CASK: variants seen among roughly 807,000 people sequenced by gnomAD.
The protein encoded by CASK is calcium/calmodulin dependent serine protein kinase, also known as peripheral plasma membrane protein CASK.
CASK carries 4 observed loss-of-function variants against 82.9 expected under a neutral mutation model. That is an observed-to-expected ratio of 0.05 (90% CI 0.02 to 0.11). The LOEUF is 0.11. Ranked by LOEUF, CASK falls within the 10% of genes least tolerant of loss-of-function variation. The pLI is 1.00. For missense variants in CASK, 358 were observed against 720.9 expected (o/e 0.50, Z 5.76); for synonymous variants, 259 against 253.5 (o/e 1.02, Z -0.20).
At chrX:41,843,924 T>C (rs1005898655) in intron 2 of CASK, among the ~76,000 whole-genome samples, 28 of 111,775 alleles carry the variant, frequency 2.5e-4, no homozygotes, top group Non-Finnish European at 4.7e-4. Flanking sequence ...AGTTTATAAA[T>C]TCATCAGTTG....
chrX:41,676,125 C>T, intron 5 of CASK: 1 of 1,147,908 alleles, frequency 8.7e-7, no homozygotes, highest in Non-Finnish European at 1.2e-6. Context: ...TGGTAGTAAT[C>T]TCCTTTCATT....
chrX:41,777,488 C>CAA (rs745388835), intron 3 of CASK, among the ~76,000 whole-genome samples: 521 of 41,347 alleles, frequency 0.013, 8 homozygotes, highest in African/African-American at 0.04. Context: ...GACATCGTCT[C>CAA]AAAAAAAAAA....
intron 19 of CASK, 83 bp from the exon 20 acceptor site, chrX:41,555,718 T>C (rs1284304916): frequency 1.3e-5 from 9 of 700,372 alleles, no homozygotes; most frequent in African/African-American, 2.1e-5. Flanking sequence ...TGTTACAATA[T>C]GGTTAAAAAA....
At chrX:41,533,214 T>G (rs938600153) in intron 24 of CASK, among the ~76,000 whole-genome samples, 1 of 112,412 alleles carries the variant, frequency 8.9e-6, no homozygotes, top group Non-Finnish European at 1.9e-5. Flanking sequence ...AGACTAGTCA[T>G]GATTGACATC....
At chrX:41,724,642 C>T (rs1335743842) in intron 5 of CASK, among the ~76,000 whole-genome samples, 1 of 111,088 alleles carries the variant, frequency 9.0e-6, no homozygotes, top group Non-Finnish European at 1.9e-5. Context: ...GTTTTATGAT[C>T]CAAGTTTATT....
At chrX:41,655,920 A>G (rs2066931362) in intron 8 of CASK, among the ~76,000 whole-genome samples, 1 of 111,841 alleles carries the variant, frequency 8.9e-6, no homozygotes, top group African/African-American at 3.3e-5. Flanking sequence ...GCCTGGTCAC[A>G]TGGTCAGGCA....
chrX:41,654,832 A>G (rs1185514564), intron 8 of CASK, among the ~76,000 whole-genome samples: 1 of 111,519 alleles, frequency 9.0e-6, no homozygotes. Context: ...TATTCACCCC[A>G]GTTTGGAGAA....
intron 1 of CASK, among the ~76,000 whole-genome samples, chrX:41,881,220 C>T (rs1284996449): frequency 9.0e-6 from 1 of 111,411 alleles, no homozygotes; most frequent in African/African-American, 3.3e-5. Context: ...CCTTGGTGCT[C>T]ACAAAGCACA....
At chrX:41,759,302 T>C (rs887199166) in intron 3 of CASK, among the ~76,000 whole-genome samples, 1 of 111,594 alleles carries the variant, frequency 9.0e-6, no homozygotes, top group African/African-American at 3.3e-5. Flanking sequence ...AAAATCTTTC[T>C]TTTCCCTGTT....
chrX:41,742,201 T>C (rs1046099408), intron 4 of CASK, among the ~76,000 whole-genome samples: 4 of 111,697 alleles, frequency 3.6e-5, no homozygotes, highest in Middle Eastern at 4.6e-3. Context: ...AATGGAGCTA[T>C]CCAAATCTCT....
chrX:41,763,017 T>C (rs986136976), intron 3 of CASK, among the ~76,000 whole-genome samples: 11 of 110,648 alleles, frequency 9.9e-5, no homozygotes, highest in African/African-American at 3.3e-4. Flanking sequence ...AGGTTATCTA[T>C]AGGGGGGTCA....
At chrX:41,746,858 A>G (rs2068695307) in intron 3 of CASK, among the ~76,000 whole-genome samples, 1 of 111,502 alleles carries the variant, frequency 9.0e-6, no homozygotes, top group African/African-American at 3.3e-5. Context: ...AATTTGTCTA[A>G]GTGAGTGGAC....
At position 41,690,692 on chromosome X, in the gene CASK, G is replaced by A. The variant is rs377054155; in HGVS notation, c.430-19162C>T. 5.8e-4 allele frequency among the ~76,000 whole-genome samples: 55 copies of A among 94,965 alleles called. 1 individual carries two copies. The East Asian group carries it at 9.9e-3, about 17-fold the overall frequency. The allele number at this position is 94,965 out of a possible 115,157, so 82.5% of individuals were successfully genotyped here. A position where few individuals can be genotyped will look rare whatever the true frequency, so the allele number is the denominator to read the frequency against. The stretch of plus-strand genomic sequence containing the variant: ...TTTTTTTTTTATGTTCTTTTTTTTT[G>A]AGACAAGGTCTTACTCCGTCACCCA... On this transcript the variant is annotated intron_variant, in intron 5 of 26. Coordinates refer to ENST00000378163, the MANE Select transcript of CASK (RefSeq NM_001367721.1).
intron 1 of CASK, among the ~76,000 whole-genome samples, chrX:41,907,863 C>G (rs1339211553): frequency 1.8e-5 from 2 of 111,593 alleles, no homozygotes; most frequent in African/African-American, 6.5e-5. Flanking sequence ...TGTTCCATCT[C>G]AGATCATCAG....
chrX:41,839,428 T>A (rs2070990365), intron 2 of CASK, among the ~76,000 whole-genome samples: 1 of 112,068 alleles, frequency 8.9e-6, no homozygotes, highest in African/African-American at 3.2e-5. Context: ...ACTATGTTTT[T>A]AACTGTGGTT....
chrX:41,848,556 G>A (rs916774679), intron 2 of CASK, among the ~76,000 whole-genome samples: 1 of 111,927 alleles, frequency 8.9e-6, no homozygotes, highest in Non-Finnish European at 1.9e-5. Context: ...AGCAGATGCT[G>A]GTGTCATGCT....
intron 2 of CASK, chrX:41,790,103 G>A (rs2069684704): frequency 2.0e-6 from 1 of 489,323 alleles, no homozygotes; most frequent in Non-Finnish European, 2.8e-6. Flanking sequence ...CTAATTTTTT[G>A]CATTTTTAGT....
intron 8 of CASK, among the ~76,000 whole-genome samples, chrX:41,640,159 T>G (rs1039946435): frequency 9.0e-6 from 1 of 111,628 alleles, no homozygotes; most frequent in African/African-American, 3.3e-5. Flanking sequence ...TTTTCCAAAG[T>G]GGTTATACCA....
intron 8 of CASK, among the ~76,000 whole-genome samples, chrX:41,658,119 G>A (rs939017165): frequency 8.9e-5 from 10 of 112,041 alleles, no homozygotes; most frequent in Non-Finnish European, 1.3e-4. Flanking sequence ...TGCCTGGGGA[G>A]GGTATGGAAG....
Sources: allele counts gnomAD v4.1 joint callset (sites outside exome capture counted in the v4.1 genomes callset), GRCh38; gene constraint gnomAD v4.1.1; transcripts MANE v1.5; gene names NCBI Gene and HGNC (gene_info 2026-07-23, HGNC 2026-07-21).